The following JAM3 variants were observed in gnomAD, a reference collection of about 807,000 sequenced individuals.
The protein encoded by JAM3 is junctional adhesion molecule 3.
JAM3 carries 31 observed loss-of-function variants against 39.4 expected under a neutral mutation model. The observed-to-expected ratio is 0.79, with a 90% CI of 0.59 to 1.06. The LOEUF is 1.06. JAM3 is among the 50% of genes least tolerant of loss of function. The pLI is 0.00. For missense variants in JAM3, 455 were observed against 391.4 expected (o/e 1.16, Z -1.37); for synonymous variants, 182 against 148.7 (o/e 1.22, Z -1.63).
At chr11:134,114,584 A>G (rs981133793) in intron 1 of JAM3, among the ~76,000 whole-genome samples, 2 of 152,068 alleles carry the variant, frequency 1.3e-5, no homozygotes, top group Non-Finnish European at 1.5e-5. Context: ...ACACTTTTTA[A>G]TTTCCCTTTT....
intron 1 of JAM3, among the ~76,000 whole-genome samples, chr11:134,134,097 T>TA (rs373410203): frequency 1.5e-4 from 22 of 151,336 alleles, no homozygotes; most frequent in South Asian, 6.3e-4. Context: ...ACACTAGAGA[T>TA]AAAAAAAACT....
At chr11:134,099,472 G>T (rs1490835322) in intron 1 of JAM3, among the ~76,000 whole-genome samples, 1 of 152,176 alleles carries the variant, frequency 6.6e-6, no homozygotes, top group Non-Finnish European at 1.5e-5. Context: ...CTCTCTGATG[G>T]TGGTATTGAG....
intron 1 of JAM3, among the ~76,000 whole-genome samples, chr11:134,085,344 T>C (rs1380681183): frequency 6.6e-6 from 1 of 152,162 alleles, no homozygotes; most frequent in African/African-American, 2.4e-5. Context: ...TAAAGGGAAG[T>C]CTTAACTATT....
chr11:134,090,791 TA>T (rs139866287), intron 1 of JAM3, among the ~76,000 whole-genome samples: 4 of 151,686 alleles, frequency 2.6e-5, no homozygotes, highest in East Asian at 1.9e-4. Flanking sequence ...GTAAGATGAT[TA>T]AAAAAAAATC....
At chr11:134,118,372 T>G (rs556977046) in intron 1 of JAM3, among the ~76,000 whole-genome samples, 1 of 152,314 alleles carries the variant, frequency 6.6e-6, no homozygotes, top group African/African-American at 2.4e-5. Context: ...ATCATTTTTA[T>G]ATTTCCATTA....
rs1201137635 is a variant in JAM3 at position 134,140,703 on chromosome 11, C to T, written c.189C>T (p.Pro63=). Reference sequence around the variant, plus strand: ...TTACGGATTCGCAGACAAGTGACCCCAGGATCGAGTGGAAGAAAATTCAAG... The same window carrying T: ...TTACGGATTCGCAGACAAGTGACCCTAGGATCGAGTGGAAGAAAATTCAAG... The part of the protein sequence containing the change: ...CIITDSQTSD[P]RIEWKKIQDE... The change falls in exon 3 of 9, where the codon CCC becomes CCT. Residue 63 remains proline, a synonymous_variant. Transcript: ENST00000299106. 1.9e-6 allele frequency: 3 copies of T among 1,613,674 alleles called. No individual in the cohort carries two copies. Among genetic ancestry groups the T allele is most frequent in the Non-Finnish European group, 2.5e-6 (3 of 1,179,870 alleles).
intron 1 of JAM3, among the ~76,000 whole-genome samples, chr11:134,127,421 G>A (rs772301019): frequency 2.6e-5 from 4 of 152,154 alleles, no homozygotes; most frequent in East Asian, 1.9e-4. Flanking sequence ...CCTTTTGGCC[G>A]GGCGTGGTGG....
intron 1 of JAM3, among the ~76,000 whole-genome samples, chr11:134,076,317 G>A (rs1330772445): frequency 2.6e-5 from 4 of 151,640 alleles, no homozygotes; most frequent in African/African-American, 4.8e-5. Flanking sequence ...ACCACGCCTG[G>A]CTAATTTTTG....
intron 1 of JAM3, among the ~76,000 whole-genome samples, chr11:134,103,562 T>A (rs1478567398): frequency 6.6e-6 from 1 of 152,016 alleles, no homozygotes; most frequent in Admixed American, 6.6e-5. Flanking sequence ...AAAGACACAG[T>A]CTGGCAAATT....
At chr11:134,112,447 A>C (rs752308195) in intron 1 of JAM3, among the ~76,000 whole-genome samples, 1 of 152,148 alleles carries the variant, frequency 6.6e-6, no homozygotes, top group African/African-American at 2.4e-5. Context: ...GCAGGTTTCA[A>C]GTCACTCTAT....
chr11:134,099,982 A>G (rs575159583), intron 1 of JAM3, among the ~76,000 whole-genome samples: 4 of 152,294 alleles, frequency 2.6e-5, no homozygotes, highest in Middle Eastern at 3.4e-3. Context: ...CCCAAAATAT[A>G]CTTTTAAGTC....
intron 6 of JAM3, chr11:134,148,043 C>T: frequency 5.2e-6 from 1 of 193,778 alleles, no homozygotes; most frequent in East Asian, 1.3e-4. Context: ...GGTCAGGCAG[C>T]CGGCAGAGAC....
intron 1 of JAM3, among the ~76,000 whole-genome samples, chr11:134,138,769 T>G (rs1016283495): frequency 7.2e-5 from 11 of 152,256 alleles, no homozygotes; most frequent in African/African-American, 2.7e-4. Context: ...TATATTACAC[T>G]TCTGTTTTCC....
intron 1 of JAM3, 141 bp from the exon 2 acceptor site, chr11:134,139,710 G>C (rs1309131912): frequency 7.8e-5 from 56 of 715,412 alleles, no homozygotes; most frequent in Non-Finnish European, 1.5e-5. Context: ...GCTTACCTAA[G>C]AGACTTTATT....
chr11:134,144,194 A>C, intron 3 of JAM3, 47 bp from the exon 4 acceptor site: 1 of 1,611,884 alleles, frequency 6.2e-7, no homozygotes, highest in Non-Finnish European at 8.5e-7. Context: ...TCAAGTGGCA[A>C]AGATTTCTTT....
chr11:134,092,955 C>T (rs1053158376), intron 1 of JAM3, among the ~76,000 whole-genome samples: 1 of 150,220 alleles, frequency 6.7e-6, no homozygotes, highest in Non-Finnish European at 1.5e-5. Context: ...TTACATGTCA[C>T]TCCCTGAGAG....
At chr11:134,134,398 C>CAAAAAAAAAAAAAAAAAAAAAAAACA (rs1942824545) in intron 1 of JAM3, among the ~76,000 whole-genome samples, 1 of 31,924 alleles carries the variant, frequency 3.1e-5, no homozygotes, top group Non-Finnish European at 5.5e-5. Flanking sequence ...GGATAAATGC[C>CAAAAAAAAAAAAAAAAAAAAAAAACA]AAAAAAAAAA....
intron 5 of JAM3, 98 bp from the exon 6 acceptor site, chr11:134,145,848 C>T (rs757249151): frequency 2.0e-5 from 16 of 807,650 alleles, no homozygotes; most frequent in East Asian, 1.9e-4. Context: ...TGAAAGCAAG[C>T]GAGCAGGTGT....
intron 1 of JAM3, among the ~76,000 whole-genome samples, chr11:134,108,215 CA>C (rs1161306702): frequency 6.6e-6 from 1 of 151,968 alleles, no homozygotes; most frequent in African/African-American, 2.4e-5. Flanking sequence ...TTGAAAGACA[CA>C]ACTACCAAAG....
Sources: allele counts gnomAD v4.1 joint callset (sites outside exome capture counted in the v4.1 genomes callset), GRCh38; gene constraint gnomAD v4.1.1; transcripts MANE v1.5; gene names NCBI Gene and HGNC (gene_info 2026-07-23, HGNC 2026-07-21).